Variants in TSC1 observed in about 807,000 individuals in gnomAD.
TSC1 encodes TSC complex subunit 1, also known as hamartin.
TSC1 carries 20 observed loss-of-function variants against 124.3 expected under a neutral mutation model. That is an observed-to-expected ratio of 0.16 (90% CI 0.11 to 0.23). The LOEUF (loss-of-function observed/expected upper bound fraction) is 0.23, where lower values mean the gene tolerates loss of function less well. TSC1 is among the 10% of genes least tolerant of loss of function. The probability of loss-of-function intolerance (pLI) is 1.00; values close to 1 mark genes in which losing one functional copy is unlikely to be tolerated. For synonymous variants in TSC1, 493 were observed against 539.1 expected (o/e 0.91, Z 1.19); for missense variants, 1,124 against 1,448.5 (o/e 0.78, Z 3.64).
At chr9:132,935,385 A>T (rs1847406753) in intron 1 of TSC1, among the ~76,000 whole-genome samples, 1 of 152,244 alleles carries the variant, frequency 6.6e-6, no homozygotes, top group Admixed American at 6.5e-5. Context: ...CCCTAGAATT[A>T]GAGAGTTCCG....
At position 132,894,232 on chromosome 9, in the gene TSC1, C is replaced by G. The variant is rs923946182; in HGVS notation, c.*2003G>C. On this transcript the variant is annotated 3_prime_UTR_variant, in exon 23 of 23. Transcript: ENST00000298552. ...GCTGTCCGTTTCTAAAATGTTTTTT[C>G]TTTTGCACTTGGGCCTCTTTTCCTT... 3.9e-5 allele frequency: 9 copies of G among 232,516 alleles called. 1 individual carries two copies. The highest frequency in any genetic ancestry group is 2.0e-4 in the African/African-American group (9 of 45,386). 14.4% of individuals were successfully genotyped at this position (232,516 alleles called of 1,614,324 possible). A position where few individuals can be genotyped will look rare whatever the true frequency, so the allele number is the denominator to read the frequency against.
At chr9:132,898,620 C>T (rs894461783) in intron 20 of TSC1, among the ~76,000 whole-genome samples, 27 of 152,306 alleles carry the variant, frequency 1.8e-4, no homozygotes, top group African/African-American at 5.3e-4. Flanking sequence ...GGTGGATGAA[C>T]GCATCTATCT....
intron 3 of TSC1, 124 bp from the exon 4 acceptor site, chr9:132,927,428 G>GAACTGTAATGCTGCA: frequency 1.2e-6 from 1 of 857,794 alleles, no homozygotes; most frequent in Non-Finnish European, 1.9e-6. Flanking sequence ...GTTTTGTGCA[G>GAACTGTAATGCTGCA]CATTACAGTT....
rs1226470084 is a variant in TSC1, at chr9:132,894,724, TTCTC to T, written c.*1507_*1510del. 1.5e-5 allele frequency: 3 copies of T among 204,018 alleles called. No individual in the cohort carries two copies. The highest frequency in any genetic ancestry group is 3.0e-5 in the Non-Finnish European group (3 of 99,712). The allele number at this position is 204,018 out of a possible 1,614,324, so 12.6% of individuals were successfully genotyped here. A position where few individuals can be genotyped will look rare whatever the true frequency, so the allele number is the denominator to read the frequency against. On this transcript the variant is annotated 3_prime_UTR_variant, in exon 23 of 23. Coordinates refer to ENST00000298552, the MANE Select transcript of TSC1 (RefSeq NM_000368.5). ...AAAAAAAAAAAAAAAAAGACTTTCA[TTCTC>T]TCTGCTCGAGGCCTCCGTGGGCACT...
In TSC1 at chr9:132,894,991, C is replaced by A. The variant is rs540849136; in HGVS notation, c.*1244G>T. 4.3e-5 allele frequency: 10 copies of A among 232,186 alleles called. No homozygotes were observed. The South Asian group carries it at 1.3e-3, about 29-fold the overall frequency. 14.4% of individuals were successfully genotyped at this position (232,186 alleles called of 1,614,324 possible). A position where few individuals can be genotyped will look rare whatever the true frequency, so the allele number is the denominator to read the frequency against. ...TGACTAGTGTCATCTCTCGGGAGCA[C>A]GTGGGGCAGCCTAGTGGGTATACAC... is the stretch of plus-strand genomic sequence containing the variant. On this transcript the variant is annotated 3_prime_UTR_variant, in exon 23 of 23. Transcript: ENST00000298552.
intron 8 of TSC1, among the ~76,000 whole-genome samples, chr9:132,919,726 G>A (rs550195965): frequency 2.0e-5 from 3 of 152,346 alleles, no homozygotes; most frequent in African/African-American, 4.8e-5. Flanking sequence ...AGCCCCAGGA[G>A]ACTAGGATGA....
At chr9:132,928,533 G>A (rs887381519) in intron 3 of TSC1, among the ~76,000 whole-genome samples, 14 of 152,194 alleles carry the variant, frequency 9.2e-5, no homozygotes, top group African/African-American at 3.4e-4. Flanking sequence ...GAGTCAGGGA[G>A]GAAAGAATTT....
At chr9:132,936,795 C>T (rs1015876519) in intron 1 of TSC1, among the ~76,000 whole-genome samples, 1 of 152,130 alleles carries the variant, frequency 6.6e-6, no homozygotes, top group Non-Finnish European at 1.5e-5. Context: ...GGCAGCCATT[C>T]CAGAGTTGAA....
At chr9:132,898,284 G>A (rs1245678509) in intron 20 of TSC1, among the ~76,000 whole-genome samples, 2 of 152,228 alleles carry the variant, frequency 1.3e-5, no homozygotes, top group Admixed American at 6.5e-5. Flanking sequence ...CGACAGATTG[G>A]AACAGCTTGA....
chr9:132,910,756 T>C, intron 11 of TSC1, 64 bp from the exon 12 acceptor site: 1 of 1,606,830 alleles, frequency 6.2e-7, no homozygotes, highest in Non-Finnish European at 8.5e-7. Flanking sequence ...CTGCCGATTT[T>C]TTTTCAGCCT....
At chr9:132,917,278 AT>A (rs796164327) in intron 8 of TSC1, among the ~76,000 whole-genome samples, 8 of 148,918 alleles carry the variant, frequency 5.4e-5, no homozygotes, top group East Asian at 2.0e-4. Context: ...CAATCCTAGG[AT>A]TTTTTTTTTG....
chr9:132,898,279 G>T (rs1845191397), intron 20 of TSC1, among the ~76,000 whole-genome samples: 1 of 152,354 alleles, frequency 6.6e-6, no homozygotes, highest in South Asian at 2.1e-4. Flanking sequence ...GCTGCCGACA[G>T]ATTGGAACAG....
At chr9:132,936,906 T>G (rs1452196214) in intron 1 of TSC1, among the ~76,000 whole-genome samples, 4 of 152,132 alleles carry the variant, frequency 2.6e-5, no homozygotes, top group Non-Finnish European at 5.9e-5. Flanking sequence ...ATGGCCAAAG[T>G]CAAACTAGTG....
Position 132,923,421 on chromosome 9 carries a change from C to A in TSC1, c.435G>T (p.Gln145His), listed in dbSNP as rs1195580419. 6.2e-7 allele frequency: 1 copy of A among 1,614,170 alleles called. No homozygotes were observed. The highest frequency in any genetic ancestry group is 1.3e-5 in the African/African-American group (1 of 75,030). The part of the protein sequence containing the change: ...VLITMLPMIP[Q>H]SGKQHLLDFF... The stretch of plus-strand genomic sequence containing the variant: ...AATCAAGAAGATGCTGTTTCCCAGA[C>A]TGTGGAATCATTGGTAGCATGGTTA... Residue 145 changes from glutamine to histidine, a missense_variant, in exon 6 of 23, where the codon CAG (glutamine) becomes CAT (histidine). This residue lies in a region of TSC1 where 463 missense variants were observed against 606.8 expected (regional missense o/e 0.76). Transcript: ENST00000298552. The surrounding 1 kb of genome is among the most constrained non-coding windows in gnomAD (Gnocchi z 4.2).
At chr9:132,936,594 T>C (rs1053078722) in intron 1 of TSC1, among the ~76,000 whole-genome samples, 7 of 152,354 alleles carry the variant, frequency 4.6e-5, no homozygotes, top group African/African-American at 1.7e-4. Context: ...TAAATGAGTA[T>C]ATATAAATAC....
intron 2 of TSC1, among the ~76,000 whole-genome samples, chr9:132,933,430 T>C (rs1340498556): frequency 6.7e-6 from 1 of 149,592 alleles, no homozygotes; most frequent in East Asian, 1.9e-4. Flanking sequence ...AGAAAAATGC[T>C]ATTAAAAGCT....
At chr9:132,905,389 T>G (rs1363415332) in intron 15 of TSC1, among the ~76,000 whole-genome samples, 192 bp downstream of exon 15, 1 of 152,142 alleles carries the variant, frequency 6.6e-6, no homozygotes, top group Non-Finnish European at 1.5e-5. Context: ...CATCCCAATT[T>G]AGGTGCACAG....
chr9:132,932,860 G>A (rs1411928372), intron 2 of TSC1, among the ~76,000 whole-genome samples: 1 of 152,188 alleles, frequency 6.6e-6, no homozygotes, highest in Non-Finnish European at 1.5e-5. Flanking sequence ...GCAGCAGGGA[G>A]GTTCTCAGTC....
chr9:132,911,597 T>TA (rs1845970100), intron 9 of TSC1, 29 bp from the exon 10 acceptor site: 1 of 773,046 alleles, frequency 1.3e-6, no homozygotes, highest in Non-Finnish European at 2.1e-6. Context: ...ACACAGGGGG[T>TA]TAGTGTGTGG....
Sources: gnomAD v4.1 joint callset for allele counts (sites outside exome capture counted in the v4.1 genomes callset) on GRCh38, gnomAD v4.1.1 for gene constraint, gnomAD v4.1.1 regional missense constraint, Gnocchi (gnomAD v3.1) non-coding constraint, MANE v1.5 for transcripts, NCBI Gene and HGNC (gene_info 2026-07-23, HGNC 2026-07-21) for gene names.